ZNF592: variants seen among roughly 807,000 people sequenced by gnomAD.
The protein encoded by ZNF592 is spinocerebellar ataxia, autosomal recessive 5.
In ZNF592, 11 loss-of-function variants were observed where a neutral mutation model predicts 80.3. The observed-to-expected ratio is 0.14, with a 90% confidence interval of 0.09 to 0.23. ZNF592 has a LOEUF of 0.23. Among genes scored for constraint, ZNF592 ranks in the 10% least tolerant of loss-of-function variants. The pLI, the probability that ZNF592 is intolerant of heterozygous loss-of-function variation, is 1.00. For synonymous variants in ZNF592, 646 were observed against 640.3 expected (o/e 1.01, Z -0.13); for missense variants, 1,420 against 1,633.9 (o/e 0.87, Z 2.26).
At chr15:84,769,055 C>T (rs1472437615) in intron 2 of ZNF592, among the ~76,000 whole-genome samples, 1 of 152,148 alleles carries the variant, frequency 6.6e-6, no homozygotes, top group Admixed American at 6.5e-5. Flanking sequence ...ATTCTCCTGC[C>T]TCAGCCTCCT....
intron 1 of ZNF592, among the ~76,000 whole-genome samples, chr15:84,757,518 A>AT (rs1180920858): frequency 6.6e-6 from 1 of 151,478 alleles, no homozygotes; most frequent in Non-Finnish European, 1.5e-5. Flanking sequence ...AATTAGTTTT[A>AT]TTTTTTTATT....
rs540396982 is a variant in ZNF592, at chr15:84,804,985, A to G, written c.*2592A>G. 2 of 152,282 alleles carry G rather than the reference A, an allele frequency of 1.3e-5. No homozygotes were observed. Among genetic ancestry groups the G allele is most frequent in the South Asian group, 4.2e-4 (2 of 4,818 alleles). 9.4% of individuals were successfully genotyped at this position (152,282 alleles called of 1,614,324 possible). Reference sequence around the variant, plus strand: ...TGATGGTGCTGAGTCAAGCCTGTCAACCACTGTGCTCGTTAGTGACCAAGG... The same window carrying G: ...TGATGGTGCTGAGTCAAGCCTGTCAGCCACTGTGCTCGTTAGTGACCAAGG... On this transcript the variant is annotated 3_prime_UTR_variant, in exon 11 of 11. Transcript: ENST00000560079.
intron 1 of ZNF592, among the ~76,000 whole-genome samples, chr15:84,759,954 T>TCCCCCCCCCCCCC (rs759072074): frequency 1.0e-4 from 5 of 49,660 alleles, no homozygotes; most frequent in African/African-American, 3.9e-4. Context: ...TTGGGGAGAT[T>TCCCCCCCCCCCCC]CCCCCCCCCC....
intron 5 of ZNF592, among the ~76,000 whole-genome samples, chr15:84,792,489 CA>C (rs1051852072): frequency 2.7e-4 from 41 of 152,286 alleles, no homozygotes; most frequent in African/African-American, 9.1e-4. Flanking sequence ...GTCTCACTGT[CA>C]CCCAGGCTGG....
chr15:84,779,205 TTTAAC>T lies in ZNF592; in HGVS notation c.-20+896_-20+900del, dbSNP rs554477025. ...ATTCCTTTTGATTTGTTGTTTGCCT[TTTAAC>T]TTTGTGCTGGCAGGTTTTCGGTAAA... On this transcript the variant is annotated intron_variant, in intron 3 of 10. Coordinates refer to ENST00000560079, the MANE Select transcript of ZNF592 (RefSeq NM_014630.3). 2.9e-3 allele frequency among the ~76,000 whole-genome samples: 437 copies of T among 152,374 alleles called. 2 individuals are homozygous for T. Among genetic ancestry groups the T allele is most frequent in the Middle Eastern group, 0.01 (3 of 294 alleles).
At chr15:84,801,228 G>C (rs969213335) in intron 10 of ZNF592, among the ~76,000 whole-genome samples, 13 of 152,236 alleles carry the variant, frequency 8.5e-5, no homozygotes, top group Non-Finnish European at 5.9e-5. Context: ...AGGAGGCTGA[G>C]GTGGGAGGAT....
At chr15:84,773,214 GTT>G (rs35593752) in intron 2 of ZNF592, among the ~76,000 whole-genome samples, 7 of 139,064 alleles carry the variant, frequency 5.0e-5, no homozygotes, top group African/African-American at 1.6e-4. Flanking sequence ...ACCCACCAGG[GTT>G]TTTTTTTTTT....
intron 1 of ZNF592, among the ~76,000 whole-genome samples, chr15:84,749,926 G>T (rs1181875887): frequency 6.6e-6 from 1 of 152,254 alleles, no homozygotes; most frequent in African/African-American, 2.4e-5. Context: ...TCTGTGCCAG[G>T]CACTGAGCTA....
At chr15:84,770,805 G>A (rs1899676532) in intron 2 of ZNF592, among the ~76,000 whole-genome samples, 2 of 152,154 alleles carry the variant, frequency 1.3e-5, no homozygotes, top group African/African-American at 4.8e-5. Flanking sequence ...TTACTCTTTT[G>A]CAGTCTGTCC....
At chr15:84,768,884 A>C (rs1194386791) in intron 2 of ZNF592, among the ~76,000 whole-genome samples, 1 of 152,224 alleles carries the variant, frequency 6.6e-6, no homozygotes, top group Non-Finnish European at 1.5e-5. Context: ...GGAATCTGTG[A>C]TTATCTTGAA....
At chr15:84,790,665 T>C (rs1962720588) in intron 4 of ZNF592, 40 bp from the exon 5 acceptor site, 1 of 1,610,686 alleles carries the variant, frequency 6.2e-7, no homozygotes, top group Non-Finnish European at 8.5e-7. Context: ...CACAGGCCTA[T>C]GGCCCCTGCA....
chr15:84,789,538 T>TA (rs1179358172), intron 4 of ZNF592, among the ~76,000 whole-genome samples: 2 of 152,206 alleles, frequency 1.3e-5, no homozygotes, highest in African/African-American at 4.8e-5. Context: ...TGCACCATTT[T>TA]ATATTCCCAC....
intron 2 of ZNF592, 52 bp downstream of exon 2, chr15:84,764,867 C>T: frequency 2.5e-6 from 1 of 396,370 alleles, no homozygotes; most frequent in Non-Finnish European, 4.4e-6. Context: ...AGAGTTTGAA[C>T]ATGAGATTTT....
At chr15:84,761,907 A>G (rs1452817068) in intron 1 of ZNF592, among the ~76,000 whole-genome samples, 6 of 152,216 alleles carry the variant, frequency 3.9e-5, no homozygotes, top group African/African-American at 1.2e-4. Flanking sequence ...GATTGGATTA[A>G]TTGTCTAGAA....
intron 4 of ZNF592, among the ~76,000 whole-genome samples, chr15:84,787,121 G>A (rs1222193000): frequency 1.3e-5 from 2 of 152,030 alleles, no homozygotes; most frequent in African/African-American, 4.8e-5. Flanking sequence ...CAAAGTGCTG[G>A]GATTACAGGC....
rs138523629 is a variant in ZNF592 at position 84,784,457 on chromosome 15, C to T, written c.1782C>T (p.Asp594=). ...ASGYCCLECG[D]AFALEKSLSQ... is the part of the protein sequence containing the mutation. Reference sequence around the variant, plus strand: ...GGTACTGCTGCCTGGAGTGTGGAGACGCATTTGCCTTAGAGAAGAGCCTGA... The same window carrying T: ...GGTACTGCTGCCTGGAGTGTGGAGATGCATTTGCCTTAGAGAAGAGCCTGA... Residue 594 remains aspartate (D), a synonymous_variant, in exon 4 of 11, where the codon GAC becomes GAT. Coordinates refer to ENST00000560079, the MANE Select transcript of ZNF592 (RefSeq NM_014630.3). The surrounding 1 kb of genome is among the most constrained non-coding windows in gnomAD (Gnocchi z 5.8). 1.8e-5 allele frequency: 29 copies of T among 1,614,182 alleles called. No individual in the cohort carries two copies. The highest frequency in any genetic ancestry group is 1.7e-4 in the African/African-American group (13 of 75,040).
At chr15:84,782,106 A>G (rs1307066123) in intron 3 of ZNF592, among the ~76,000 whole-genome samples, 1 of 152,238 alleles carries the variant, frequency 6.6e-6, no homozygotes, top group Non-Finnish European at 1.5e-5. Flanking sequence ...TAGGGATGAT[A>G]TAATTTTCTA....
At chr15:84,796,426 ACAAAAGGAAGAT>A in intron 5 of ZNF592, among the ~76,000 whole-genome samples, 1 of 151,486 alleles carries the variant, frequency 6.6e-6, no homozygotes, top group Non-Finnish European at 1.5e-5. Context: ...CAGTATTGCA[ACAAAAGGAAGAT>A]AAAAAGGAAG....
intron 2 of ZNF592, among the ~76,000 whole-genome samples, chr15:84,775,855 A>G (rs1962236131): frequency 6.6e-6 from 1 of 152,150 alleles, no homozygotes; most frequent in Non-Finnish European, 1.5e-5. Context: ...GTTTGGTAAA[A>G]TTTTCTGGGC....
Sources: gnomAD v4.1 joint callset for allele counts (sites outside exome capture counted in the v4.1 genomes callset) on GRCh38, gnomAD v4.1.1 for gene constraint, Gnocchi (gnomAD v3.1) non-coding constraint, MANE v1.5 for transcripts, NCBI Gene and HGNC (gene_info 2026-07-23, HGNC 2026-07-21) for gene names.